MAPK4: variants seen among roughly 807,000 people sequenced by gnomAD.
The protein encoded by MAPK4 is Erk3-related.
A neutral mutation model predicts 47.7 loss-of-function variants in MAPK4; 22 were observed. The ratio of observed to expected loss-of-function variants is 0.46; its 90% CI spans 0.33 to 0.66. The LOEUF (loss-of-function observed/expected upper bound fraction) is 0.66, where lower values mean the gene tolerates loss of function less well. Ranked by LOEUF, MAPK4 falls within the 30% of genes least tolerant of loss-of-function variation. The pLI is 0.02. For missense variants in MAPK4, 736 were observed against 831.7 expected (o/e 0.88, Z 1.42); for synonymous variants, 390 against 365.7 (o/e 1.07, Z -0.76).
At chr18:50,632,468 C>A (rs2042839707) in intron 1 of MAPK4, among the ~76,000 whole-genome samples, 1 of 152,148 alleles carries the variant, frequency 6.6e-6, no homozygotes, top group African/African-American at 2.4e-5. Context: ...TCCAGCATCC[C>A]CTCTGCCTGT....
intron 1 of MAPK4, among the ~76,000 whole-genome samples, chr18:50,620,931 TTTAC>T (rs2149382037): frequency 6.6e-6 from 1 of 152,324 alleles, no homozygotes; most frequent in Non-Finnish European, 1.5e-5. Context: ...TTATCTTATT[TTTAC>T]TTCTTTTGGC....
At position 50,568,424 on chromosome 18, in the gene MAPK4, A is replaced by T. The variant is rs141206294; in HGVS notation, c.-871+8181A>T. 2.4e-3 allele frequency among the ~76,000 whole-genome samples: 365 copies of T among 152,330 alleles called. 2 individuals are homozygous for T. Among genetic ancestry groups the T allele is most frequent in the African/African-American group, 8.4e-3 (349 of 41,570 alleles). On this transcript the variant is annotated intron_variant, in intron 1 of 5. Coordinates refer to ENST00000400384, the MANE Select transcript of MAPK4 (RefSeq NM_002747.4). ...AAGTGCTTCTCAGGCCTTAATTCTT[A>T]TTCTTACAACAGTCTCTGAAGTGGG...
chr18:50,648,677 G>A (rs1480878337), intron 1 of MAPK4, among the ~76,000 whole-genome samples: 1 of 152,120 alleles, frequency 6.6e-6, no homozygotes, highest in Non-Finnish European at 1.5e-5. Context: ...GAGGTGGCAT[G>A]ATGTAGCATC....
chr18:50,652,045 C>T (rs575531800), intron 1 of MAPK4, among the ~76,000 whole-genome samples: 18 of 152,320 alleles, frequency 1.2e-4, no homozygotes, highest in African/African-American at 2.6e-4. Context: ...TCTGGAAGCA[C>T]ATCTGTATTG....
At chr18:50,683,891 G>A (rs747384530) in intron 2 of MAPK4, among the ~76,000 whole-genome samples, 4 of 152,064 alleles carry the variant, frequency 2.6e-5, no homozygotes, top group African/African-American at 4.8e-5. Context: ...AGATTGTCTC[G>A]CTTCTCTCTG....
At chr18:50,626,427 G>A (rs996096957) in intron 1 of MAPK4, among the ~76,000 whole-genome samples, 9 of 152,050 alleles carry the variant, frequency 5.9e-5, no homozygotes, top group South Asian at 2.1e-4. Context: ...TGGCGTCTGC[G>A]GTCCTTGCAC....
chr18:50,630,302 C>T (rs1030758373), intron 1 of MAPK4, among the ~76,000 whole-genome samples: 4 of 152,228 alleles, frequency 2.6e-5, no homozygotes, highest in African/African-American at 9.6e-5. Context: ...GATTCTCATG[C>T]CTCAGCTTCC....
At chr18:50,568,637 A>G (rs1025499877) in intron 1 of MAPK4, among the ~76,000 whole-genome samples, 4 of 151,836 alleles carry the variant, frequency 2.6e-5, no homozygotes, top group Admixed American at 6.6e-5. Context: ...CTTCATCTGA[A>G]CTCTACTGCC....
At chr18:50,725,145 C>G (rs1395766982) in intron 4 of MAPK4, among the ~76,000 whole-genome samples, 1 of 152,248 alleles carries the variant, frequency 6.6e-6, no homozygotes, top group Non-Finnish European at 1.5e-5. Context: ...CAGGTTCCCA[C>G]TGCCCAGAAC....
intron 1 of MAPK4, among the ~76,000 whole-genome samples, chr18:50,618,603 T>C (rs1055132636): frequency 6.6e-6 from 1 of 152,212 alleles, no homozygotes; most frequent in African/African-American, 2.4e-5. Context: ...GCATCTTTTA[T>C]TTGTCTTTAC....
intron 1 of MAPK4, among the ~76,000 whole-genome samples, chr18:50,656,754 T>C (rs2043114263): frequency 6.6e-6 from 1 of 152,168 alleles, no homozygotes; most frequent in Non-Finnish European, 1.5e-5. Flanking sequence ...CTGCATTGTT[T>C]CCATAATTAT....
chr18:50,674,070 G>A (rs926377543), intron 2 of MAPK4, among the ~76,000 whole-genome samples: 1 of 152,082 alleles, frequency 6.6e-6, no homozygotes, highest in South Asian at 2.1e-4. Flanking sequence ...GTTGAATAAT[G>A]AGCTCCTCCT....
chr18:50,602,290 G>A (rs781081198), intron 1 of MAPK4, among the ~76,000 whole-genome samples: 1 of 151,976 alleles, frequency 6.6e-6, no homozygotes, highest in South Asian at 2.1e-4. Context: ...CTTCCCCTTC[G>A]CCTCCTCACA....
At chr18:50,706,833 C>T (rs1910083594) in intron 2 of MAPK4, among the ~76,000 whole-genome samples, 1 of 152,154 alleles carries the variant, frequency 6.6e-6, no homozygotes, top group South Asian at 2.1e-4. Flanking sequence ...AGCCACTGGT[C>T]CTGGTGAGGA....
At chr18:50,728,433 T>C (rs1911323217) in intron 5 of MAPK4, among the ~76,000 whole-genome samples, 1 of 152,178 alleles carries the variant, frequency 6.6e-6, no homozygotes, top group African/African-American at 2.4e-5. Context: ...CAATGCAAGG[T>C]GCTATGGGGC....
At chr18:50,660,932 G>A (rs1466268339) in intron 1 of MAPK4, among the ~76,000 whole-genome samples, 1 of 152,092 alleles carries the variant, frequency 6.6e-6, no homozygotes, top group Non-Finnish European at 1.5e-5. Context: ...CACACACACG[G>A]GATACAGTCC....
chr18:50,726,212 C>T (rs755622475), intron 5 of MAPK4, 37 bp downstream of exon 5: 2 of 1,594,904 alleles, frequency 1.3e-6, no homozygotes, highest in Non-Finnish European at 1.7e-6. Context: ...CCACATTTCC[C>T]TGTCCTCCCA....
At chr18:50,565,331 T>C (rs965796680) in intron 1 of MAPK4, among the ~76,000 whole-genome samples, 2 of 152,358 alleles carry the variant, frequency 1.3e-5, no homozygotes, top group African/African-American at 4.8e-5. Flanking sequence ...CAGGAGGCTC[T>C]GTGTTCCACT....
chr18:50,593,745 T>C (rs1463704243), intron 1 of MAPK4, among the ~76,000 whole-genome samples: 1 of 152,134 alleles, frequency 6.6e-6, no homozygotes, highest in African/African-American at 2.4e-5. Flanking sequence ...TGTATGAACA[T>C]GCACAAGATC....
Sources: allele counts gnomAD v4.1 joint callset (sites outside exome capture counted in the v4.1 genomes callset), GRCh38; gene constraint gnomAD v4.1.1; transcripts MANE v1.5; gene names NCBI Gene and HGNC (gene_info 2026-07-23, HGNC 2026-07-21).